TRPM1: variants seen among roughly 807,000 people sequenced by gnomAD.
TRPM1 encodes the protein transient receptor potential cation channel subfamily M member 1.
TRPM1 carries 113 observed loss-of-function variants against 149.4 expected under a neutral mutation model. That is an observed-to-expected ratio of 0.76 (90% CI 0.65 to 0.88). TRPM1 has a LOEUF of 0.88. TRPM1 is among the 40% of genes least tolerant of loss of function. TRPM1 has a pLI of 0.00. For synonymous variants in TRPM1, 741 were observed against 759.5 expected (o/e 0.98, Z 0.40); for missense variants, 1,976 against 2,038.7 (o/e 0.97, Z 0.59).
chr15:31,106,708 G>A (rs1349646562), upstream of TRPM1, among the ~76,000 whole-genome samples: 3 of 152,166 alleles, frequency 2.0e-5, no homozygotes, highest in Non-Finnish European at 4.4e-5. Flanking sequence ...CACTTGAGTG[G>A]CTCTTGGTCT....
At chr15:31,050,334 A>G in intron 12 of TRPM1, 75 bp downstream of exon 12, 3 of 1,611,546 alleles carry the variant, frequency 1.9e-6, no homozygotes, top group Non-Finnish European at 2.5e-6. Context: ...GTGGGACTGA[A>G]GCAAGGACAA....
intron 1 of TRPM1, among the ~76,000 whole-genome samples, chr15:31,118,565 GA>G (rs2035834150): frequency 1.3e-5 from 2 of 152,102 alleles, no homozygotes; most frequent in Non-Finnish European, 2.9e-5. Flanking sequence ...GAATATTGTA[GA>G]ACGAGTGGCA....
intron 1 of TRPM1, among the ~76,000 whole-genome samples, chr15:31,094,007 C>G (rs564510264): frequency 2.6e-5 from 4 of 152,298 alleles, no homozygotes; most frequent in African/African-American, 7.2e-5. Flanking sequence ...AGCATAAGGA[C>G]AGACATGCAG....
intron 27 of TRPM1, among the ~76,000 whole-genome samples, chr15:31,019,370 C>T (rs1186742064): frequency 1.3e-5 from 2 of 152,164 alleles, no homozygotes; most frequent in Admixed American, 6.6e-5. Flanking sequence ...TAAATGAAGA[C>T]TAATCATAAA....
At chr15:31,089,719 C>T (rs867597282) in intron 1 of TRPM1, among the ~76,000 whole-genome samples, 1 of 152,230 alleles carries the variant, frequency 6.6e-6, no homozygotes, top group Non-Finnish European at 1.5e-5. Context: ...TGGATGACCT[C>T]TCCAAGGCCT....
chr15:31,090,090 CA>C (rs1329478976), intron 1 of TRPM1, among the ~76,000 whole-genome samples: 1 of 152,166 alleles, frequency 6.6e-6, no homozygotes, highest in African/African-American at 2.4e-5. Context: ...TTTTCCTCTG[CA>C]ACCCTAGCCC....
intron 11 of TRPM1, among the ~76,000 whole-genome samples, chr15:31,058,809 C>A (rs1049138415): frequency 6.6e-6 from 1 of 152,160 alleles, no homozygotes; most frequent in African/African-American, 2.4e-5. Context: ...GGGCTGGGTG[C>A]AGTGACTCAT....
intron 22 of TRPM1, among the ~76,000 whole-genome samples, chr15:31,032,083 G>C (rs931624915): frequency 7.1e-6 from 1 of 141,188 alleles, no homozygotes; most frequent in Non-Finnish European, 1.5e-5. Context: ...TCAAATCCAT[G>C]TCCCTGTACT....
intron 1 of TRPM1, among the ~76,000 whole-genome samples, chr15:31,089,442 C>T (rs564825917): frequency 6.6e-6 from 1 of 152,222 alleles, no homozygotes. Context: ...TATGACAGGT[C>T]ATTGGTGACC....
chr15:31,071,979 ACATAT>A (rs1350557977), intron 3 of TRPM1, among the ~76,000 whole-genome samples: 16 of 83,614 alleles, frequency 1.9e-4, no homozygotes, highest in South Asian at 4.4e-4. Context: ...AAAAAAAAAA[ACATAT>A]ATATATATAT....
chr15:31,032,700 T>A lies in TRPM1; in HGVS notation c.2941A>T (p.Ile981Phe), dbSNP rs2033145520. The A allele has an allele frequency of 6.2e-7, 1 of 1,614,186 alleles. No homozygotes were observed. Among genetic ancestry groups the A allele is most frequent in the Non-Finnish European group, 8.5e-7 (1 of 1,180,034 alleles). ...ATGCCACTACTAACCATCTTTCCAATCATCATCACGTATGGCCCCAGATAC... is the reference window on the plus strand; with the variant it reads ...ATGCCACTACTAACCATCTTTCCAAACATCATCACGTATGGCCCCAGATAC... The part of the protein sequence containing the change: ...NKYLGPYVMM[I>F]GKMMIDMLYF... Residue 981 changes from isoleucine to phenylalanine, a missense_variant, in exon 22 of 28, where the codon ATT becomes TTT. This residue lies in a region of TRPM1 where 1,332 missense variants were observed against 1,347.1 expected (regional missense o/e 0.99). Transcript: ENST00000256552.
chr15:31,021,422 ATGATGTC>A (rs2032546478), intron 27 of TRPM1, among the ~76,000 whole-genome samples: 2 of 152,206 alleles, frequency 1.3e-5, no homozygotes, highest in Non-Finnish European at 2.9e-5. Flanking sequence ...AGGATGGGGC[ATGATGTC>A]TCATGCCTGT....
intron 1 of TRPM1, among the ~76,000 whole-genome samples, chr15:31,090,118 T>C (rs565420200): frequency 6.6e-6 from 1 of 152,322 alleles, no homozygotes; most frequent in South Asian, 2.1e-4. Context: ...GTAACCCCCA[T>C]GAACACTGGT....
At chr15:31,135,449 AAAG>A (rs1273360860) in intron 1 of TRPM1, among the ~76,000 whole-genome samples, 1 of 152,242 alleles carries the variant, frequency 6.6e-6, no homozygotes, top group Non-Finnish European at 1.5e-5. Context: ...TAAATTAAAA[AAAG>A]AGAATGATCC....
chr15:31,093,596 T>G (rs1178975049), intron 1 of TRPM1, among the ~76,000 whole-genome samples: 1 of 102,646 alleles, frequency 9.7e-6, no homozygotes, highest in African/African-American at 5.1e-5. Flanking sequence ...AGCAATCTGG[T>G]TTTTTTTTTT....
In TRPM1 at chr15:31,002,388, C is replaced by T; in HGVS notation, c.4312G>A (p.Glu1438Lys). 6.2e-7 allele frequency: 1 copy of T among 1,614,238 alleles called. No homozygotes were observed. Among genetic ancestry groups the T allele is most frequent in the South Asian group, 1.1e-5 (1 of 91,092 alleles). The part of the protein sequence containing the change: ...NIEGTISYPL[E>K]ETKITRYFPD... ...AAATAGCGTGTAATTTTGGTTTCTT[C>T]CAGGGGATAGGAAATAGTGCCTTCT... Residue 1438 changes from glutamate to lysine, a missense_variant, in exon 28 of 28, where the codon GAA becomes AAA. Transcript: ENST00000256552.
In TRPM1 at chr15:31,002,566, T is replaced by C. The variant is rs1474719405; in HGVS notation, c.4134A>G (p.Pro1378=). 6.2e-7 allele frequency: 1 copy of C among 1,614,096 alleles called. No individual in the cohort carries two copies. Among genetic ancestry groups the C allele is most frequent in the East Asian group, 2.2e-5 (1 of 44,902 alleles). Residue 1378 remains proline, a synonymous_variant, in exon 28 of 28, where the codon CCA becomes CCG. Coordinates refer to ENST00000256552, the MANE Select transcript of TRPM1 (RefSeq NM_001252024.2). ...LKNAEESKLG[P]DIGISKEDDE... is the part of the protein sequence containing the mutation. ...CATCTTCCTTTGAAATCCCAATATC[T>C]GGACCTAATTTTGACTCTTCAGCGT...
At chr15:31,042,342 A>G (rs982269618) in intron 16 of TRPM1, 99 bp from the exon 17 acceptor site, 37 of 1,250,258 alleles carry the variant, frequency 3.0e-5, no homozygotes, top group Middle Eastern at 5.2e-4. Context: ...GTCAGAGGTA[A>G]TAAAGAGACT....
chr15:31,069,766 G>T (rs1026280347), intron 4 of TRPM1: 1 of 1,448,744 alleles, frequency 6.9e-7, no homozygotes, highest in South Asian at 1.5e-5. Context: ...GTGTTTGCAG[G>T]GTTGGGCCAG....
Sources: gnomAD v4.1 joint callset for allele counts (sites outside exome capture counted in the v4.1 genomes callset) on GRCh38, gnomAD v4.1.1 for gene constraint, gnomAD v4.1.1 regional missense constraint, MANE v1.5 for transcripts, NCBI Gene and HGNC (gene_info 2026-07-23, HGNC 2026-07-21) for gene names.